The following GRXCR1 variants were observed in gnomAD, a reference collection of about 807,000 sequenced individuals.
The protein encoded by GRXCR1 is glutaredoxin domain-containing cysteine-rich protein 1.
In GRXCR1, 27 loss-of-function variants were observed where a neutral mutation model predicts 27.3. That is an observed-to-expected ratio of 0.99 (90% confidence interval 0.73 to 1.37). GRXCR1 has a LOEUF of 1.37. GRXCR1 is among the 40% of genes most tolerant of loss of function. The pLI is 0.00. For missense variants in GRXCR1, 379 were observed against 354.4 expected (o/e 1.07, Z -0.56); for synonymous variants, 122 against 131.1 (o/e 0.93, Z 0.47).
At chr4:42,991,221 T>C (rs1711961793) in intron 2 of GRXCR1, among the ~76,000 whole-genome samples, 1 of 152,068 alleles carries the variant, frequency 6.6e-6, no homozygotes, top group South Asian at 2.1e-4. Context: ...TTTTCTTTTC[T>C]TGTTAATTTT....
chr4:43,030,225 T>G (rs1577952369), intron 3 of GRXCR1, 136 bp from the exon 4 acceptor site: 2 of 743,154 alleles, frequency 2.7e-6, no homozygotes, highest in African/African-American at 1.7e-5. Context: ...TAATGGTAGG[T>G]GAATTCAAGT....
At chr4:43,015,019 T>C (rs1712888743) in intron 2 of GRXCR1, among the ~76,000 whole-genome samples, 1 of 152,072 alleles carries the variant, frequency 6.6e-6, no homozygotes, top group South Asian at 2.1e-4. Context: ...GACATTTAAA[T>C]TGGGTTTGAA....
intron 1 of GRXCR1, among the ~76,000 whole-genome samples, chr4:42,949,614 C>T (rs1747832967): frequency 6.6e-6 from 1 of 152,060 alleles, no homozygotes; most frequent in Non-Finnish European, 1.5e-5. Flanking sequence ...AATAACAGTA[C>T]CTACCTTACT....
chr4:42,893,676 T>C (rs759161016), intron 1 of GRXCR1, 26 bp downstream of exon 1: 1 of 1,606,990 alleles, frequency 6.2e-7, no homozygotes, highest in Non-Finnish European at 8.5e-7. Flanking sequence ...TTCCTTCTCC[T>C]GCTCTTTGTT....
rs1746280773 is a variant in GRXCR1 at position 42,893,509 on chromosome 4, G to A, written c.243G>A (p.Leu81=). 6.2e-7 allele frequency: 1 copy of A among 1,613,784 alleles called. No homozygotes were observed. The highest frequency in any genetic ancestry group is 8.5e-7 in the Non-Finnish European group (1 of 1,179,854). The change falls in exon 1 of 4, where the codon CTG becomes CTA. Residue 81 remains leucine (L), a synonymous_variant. Coordinates refer to ENST00000399770, the MANE Select transcript of GRXCR1 (RefSeq NM_001080476.3). The part of the protein sequence containing the change: ...DENENDQDSL[L]VLARAASEKG... Reference sequence around the variant, plus strand: ...ATGAGAATGACCAGGATAGCTTGCTGGTGTTAGCAAGGGCTGCCAGTGAGA... The same window carrying A: ...ATGAGAATGACCAGGATAGCTTGCTAGTGTTAGCAAGGGCTGCCAGTGAGA...
At chr4:43,004,539 G>C (rs1197009392) in intron 2 of GRXCR1, among the ~76,000 whole-genome samples, 2 of 152,194 alleles carry the variant, frequency 1.3e-5, no homozygotes, top group Non-Finnish European at 2.9e-5. Context: ...TCATCTGTGG[G>C]GGGTAACCCT....
At chr4:43,028,067 G>A (rs1369162576) in intron 3 of GRXCR1, among the ~76,000 whole-genome samples, 9 of 151,054 alleles carry the variant, frequency 6.0e-5, no homozygotes, top group Non-Finnish European at 1.0e-4. Context: ...TGCTGAGGTC[G>A]CACCACTGCA....
intron 2 of GRXCR1, among the ~76,000 whole-genome samples, chr4:43,012,632 A>G (rs1383931873): frequency 2.0e-5 from 3 of 152,164 alleles, no homozygotes; most frequent in African/African-American, 4.8e-5. Context: ...ATTCTTATAT[A>G]TTATCTCATG....
intron 1 of GRXCR1, among the ~76,000 whole-genome samples, chr4:42,908,237 G>T (rs1746641370): frequency 1.3e-5 from 2 of 152,162 alleles, no homozygotes; most frequent in Admixed American, 1.3e-4. Context: ...CTGAATTGCT[G>T]CTATACCTGC....
chr4:42,897,615 T>C (rs1746373712), intron 1 of GRXCR1, among the ~76,000 whole-genome samples: 1 of 151,544 alleles, frequency 6.6e-6, no homozygotes, highest in African/African-American at 2.4e-5. Flanking sequence ...GAAAAACCAG[T>C]ATGTTTGTGG....
At chr4:42,953,904 C>A (rs2164526) in intron 1 of GRXCR1, among the ~76,000 whole-genome samples, 55,070 of 151,732 alleles carry the variant, frequency 0.36, 10,208 homozygotes, top group African/African-American at 0.43. Flanking sequence ...CCTCACAAAT[C>A]CCCATGAAAT....
At chr4:42,927,566 C>T (rs1371400605) in intron 1 of GRXCR1, among the ~76,000 whole-genome samples, 1 of 151,928 alleles carries the variant, frequency 6.6e-6, no homozygotes. Context: ...AATTCTTTCA[C>T]CCAAGTTCTT....
intron 3 of GRXCR1, among the ~76,000 whole-genome samples, chr4:43,027,018 C>T (rs376798378): frequency 2.0e-5 from 3 of 152,088 alleles, no homozygotes; most frequent in African/African-American, 2.4e-5. Flanking sequence ...AACCAGAAGG[C>T]GAAGTATGGA....
intron 1 of GRXCR1, among the ~76,000 whole-genome samples, chr4:42,945,626 G>A (rs1747725430): frequency 6.6e-6 from 1 of 152,140 alleles, no homozygotes; most frequent in African/African-American, 2.4e-5. Flanking sequence ...TCTACAGAGG[G>A]TGGTTATTTT....
chr4:42,899,860 G>C (rs1377553659), intron 1 of GRXCR1, among the ~76,000 whole-genome samples: 1 of 152,076 alleles, frequency 6.6e-6, no homozygotes, highest in African/African-American at 2.4e-5. Flanking sequence ...GTAATTCCCT[G>C]AGCTTAATCC....
intron 1 of GRXCR1, among the ~76,000 whole-genome samples, chr4:42,950,423 T>C (rs373648982): frequency 1.3e-5 from 2 of 152,208 alleles, no homozygotes; most frequent in Admixed American, 6.6e-5. Flanking sequence ...CTGAATATGA[T>C]GATTTTGGTG....
chr4:42,909,695 C>T (rs1304752222), intron 1 of GRXCR1, among the ~76,000 whole-genome samples: 1 of 152,022 alleles, frequency 6.6e-6, no homozygotes, highest in Non-Finnish European at 1.5e-5. Flanking sequence ...TTTTCTTTTC[C>T]AGCCTCCAGT....
At chr4:42,989,100 C>T (rs568727874) in intron 2 of GRXCR1, among the ~76,000 whole-genome samples, 31 of 152,308 alleles carry the variant, frequency 2.0e-4, no homozygotes, top group African/African-American at 7.5e-4. Flanking sequence ...TCAGGAAACA[C>T]ACTTTCTATA....
rs60704333 is a variant in GRXCR1 at position 43,024,197 on chromosome 4, CT to C, written c.693+3794del. Among the ~76,000 whole-genome samples the C allele has an allele frequency of 2.2e-3, 211 of 94,236 alleles. 3 individuals carry two copies. The highest frequency in any genetic ancestry group is 0.015 in the South Asian group (48 of 3,132). 61.8% of individuals were successfully genotyped at this position (94,236 alleles called of 152,430 possible). ...GCCAACATAGTGTCCATTTTCTGTC[CT>C]TTTTTTTTTTTTTTTGGTAAAGCTT... On this transcript the variant is annotated intron_variant, in intron 3 of 3. Coordinates refer to ENST00000399770, the MANE Select transcript of GRXCR1 (RefSeq NM_001080476.3).
Sources: gnomAD v4.1 joint callset for allele counts (sites outside exome capture counted in the v4.1 genomes callset) on GRCh38, gnomAD v4.1.1 for gene constraint, MANE v1.5 for transcripts, NCBI Gene and HGNC (gene_info 2026-07-23, HGNC 2026-07-21) for gene names.